The following MAPK8 variants were observed in gnomAD, a reference collection of about 807,000 sequenced individuals.
The protein encoded by MAPK8 is mitogen-activated protein kinase 8.
In MAPK8, 13 loss-of-function variants were observed where a neutral mutation model predicts 52.9. The observed-to-expected ratio is 0.25, with a 90% CI of 0.16 to 0.39. The LOEUF (loss-of-function observed/expected upper bound fraction) is 0.39. Among genes scored for constraint, MAPK8 ranks in the 10% least tolerant of loss-of-function variants. The pLI is 1.00. For missense variants in MAPK8, 300 were observed against 519.2 expected, an observed-to-expected ratio of 0.58 and a Z score of 4.10; for synonymous variants, 191 against 169.8, an observed-to-expected ratio of 1.12 and a Z score of -0.97.
chr10:48,351,355 A>G (rs72794356), intron 1 of MAPK8, among the ~76,000 whole-genome samples: 14,298 of 148,920 alleles, frequency 0.096, 726 homozygotes, highest in Non-Finnish European at 0.11. Context: ...GCTCACAGCA[A>G]TCTCAAACTC....
chr10:48,337,168 A>G (rs552055939), intron 1 of MAPK8, among the ~76,000 whole-genome samples: 170 of 152,230 alleles, frequency 1.1e-3, no homozygotes, highest in Non-Finnish European at 1.8e-3. Flanking sequence ...CAGAATACAC[A>G]TTTTACTCAT....
intron 1 of MAPK8, among the ~76,000 whole-genome samples, chr10:48,394,566 A>G (rs1038807767): frequency 6.6e-6 from 1 of 151,932 alleles, no homozygotes; most frequent in Non-Finnish European, 1.5e-5. Flanking sequence ...CTCTCAAACT[A>G]GGATTTAAAG....
chr10:48,353,839 T>G (rs1846573440), intron 1 of MAPK8, among the ~76,000 whole-genome samples: 1 of 152,140 alleles, frequency 6.6e-6, no homozygotes, highest in Non-Finnish European at 1.5e-5. Flanking sequence ...GGAGGACAAA[T>G]AACAGATTAG....
intron 6 of MAPK8, among the ~76,000 whole-genome samples, chr10:48,422,989 A>T (rs1183849254): frequency 6.6e-6 from 1 of 152,176 alleles, no homozygotes; most frequent in Non-Finnish European, 1.5e-5. Context: ...TCCACTTGTC[A>T]TTTTAAAGAA....
intron 3 of MAPK8, among the ~76,000 whole-genome samples, chr10:48,408,966 C>G (rs2042605444): frequency 6.6e-6 from 1 of 152,156 alleles, no homozygotes; most frequent in Non-Finnish European, 1.5e-5. Flanking sequence ...TTGTTTTAGG[C>G]CACTAATTCC....
intron 1 of MAPK8, among the ~76,000 whole-genome samples, chr10:48,314,862 C>A (rs1338221630): frequency 1.3e-5 from 2 of 152,196 alleles, no homozygotes; most frequent in Non-Finnish European, 2.9e-5. Flanking sequence ...GTTTTCCATT[C>A]TATGGTAGGC....
intron 8 of MAPK8, 94 bp from the exon 9 acceptor site, chr10:48,426,286 C>A: frequency 2.7e-6 from 3 of 1,106,800 alleles, no homozygotes; most frequent in South Asian, 1.8e-5. Context: ...ATTTTTAAAA[C>A]ATATGCTTTT....
At chr10:48,307,822 A>AT (rs1841556232) in intron 1 of MAPK8, among the ~76,000 whole-genome samples, 1 of 152,128 alleles carries the variant, frequency 6.6e-6, no homozygotes, top group African/African-American at 2.4e-5. Flanking sequence ...TCATTCATTC[A>AT]TTCAGCAGCT....
At position 48,438,718 on chromosome 10, in the gene MAPK8, T is replaced by C. The variant is rs936926161; in HGVS notation, c.*3689T>C. On this transcript the variant is annotated 3_prime_UTR_variant, in exon 12 of 12. Transcript: ENST00000374189. ...GAATTATAAATGTGTGTTAAATACT[T>C]TCTAGCCAATGTTGACACAATACCA... 6.6e-6 allele frequency: 1 copy of C among 152,236 alleles called. No individual in the cohort carries two copies. The highest frequency in any genetic ancestry group is 1.5e-5 in the Non-Finnish European group (1 of 68,042). The allele number at this position is 152,236 out of a possible 1,614,324, so 9.4% of individuals were successfully genotyped here. A position where few individuals can be genotyped will look rare whatever the true frequency, so the allele number is the denominator to read the frequency against.
In MAPK8 at chr10:48,438,172, T is replaced by C. The variant is rs1490298399; in HGVS notation, c.*3143T>C. ...ACACATTAGCTATAGAGTGGATGCA[T>C]GAAGCCCCATGACACCAGTAAACTT... On this transcript the variant is annotated 3_prime_UTR_variant, in exon 12 of 12. Coordinates refer to ENST00000374189, the MANE Select transcript of MAPK8 (RefSeq NM_001323329.2). The C allele has an allele frequency of 1.3e-5, 2 of 152,372 alleles. No individual in the cohort carries two copies. The highest frequency in any genetic ancestry group is 4.8e-5 in the African/African-American group (2 of 41,592). 9.4% of individuals were successfully genotyped at this position (152,372 alleles called of 1,614,324 possible). A position where few individuals can be genotyped will look rare whatever the true frequency, so the allele number is the denominator to read the frequency against.
intron 1 of MAPK8, among the ~76,000 whole-genome samples, chr10:48,334,871 C>T (rs865862322): frequency 9.9e-5 from 15 of 152,132 alleles, no homozygotes; most frequent in African/African-American, 3.1e-4. Flanking sequence ...TAATTTATCT[C>T]CTAGCACGCA....
At chr10:48,396,408 G>A (rs945468453) in intron 1 of MAPK8, among the ~76,000 whole-genome samples, 4 of 152,110 alleles carry the variant, frequency 2.6e-5, no homozygotes, top group Admixed American at 6.5e-5. Context: ...TATGACACAC[G>A]TACTAGAATG....
chr10:48,435,057 G>GA lies in MAPK8; in HGVS notation c.*29dup. 2.4e-6 allele frequency: 1 copy of GA among 421,632 alleles called. No homozygotes were observed. The highest frequency in any genetic ancestry group is 2.9e-5 in the Admixed American group (1 of 35,018). 26.1% of individuals were successfully genotyped at this position (421,632 alleles called of 1,614,324 possible). A position where few individuals can be genotyped will look rare whatever the true frequency, so the allele number is the denominator to read the frequency against. The stretch of plus-strand genomic sequence containing the variant: ...ACTTGGGCCATCGGGGGGTGGGAGG[G>GA]ATGGGGAGTCGGTTAGTCATTGATA... On this transcript the variant is annotated 3_prime_UTR_variant, in exon 12 of 12. Coordinates refer to ENST00000374189, the MANE Select transcript of MAPK8 (RefSeq NM_001323329.2).
At chr10:48,416,844 T>C (rs1170312421) in intron 5 of MAPK8, among the ~76,000 whole-genome samples, 2 of 152,048 alleles carry the variant, frequency 1.3e-5, no homozygotes, top group African/African-American at 2.4e-5. Context: ...TGTGGGAGAG[T>C]CATCTTTTTG....
At chr10:48,347,301 C>A (rs940610065) in intron 1 of MAPK8, among the ~76,000 whole-genome samples, 1 of 152,098 alleles carries the variant, frequency 6.6e-6, no homozygotes, top group African/African-American at 2.4e-5. Flanking sequence ...ATGAAAAAAA[C>A]CTCTCATACC....
rs778085173 is a variant in MAPK8 at position 48,345,097 on chromosome 10, A to G, written c.-50+38276A>G. Among the ~76,000 whole-genome samples, 5 of 152,278 alleles carry G rather than the reference A, an allele frequency of 3.3e-5. No individual in the cohort carries two copies. The South Asian group carries it at 8.3e-4, about 25-fold the overall frequency. On this transcript the variant is annotated intron_variant, in intron 1 of 11. Coordinates refer to ENST00000374189, the MANE Select transcript of MAPK8 (RefSeq NM_001323329.2). ...TGCGGCAGAATTCAAGGCAGAAAAC[A>G]TTAAACAGAAAGGATCATTTTTTAA...
At chr10:48,363,683 A>G (rs895133531) in intron 1 of MAPK8, among the ~76,000 whole-genome samples, 1 of 152,206 alleles carries the variant, frequency 6.6e-6, no homozygotes, top group Non-Finnish European at 1.5e-5. Flanking sequence ...ACAGAATTAA[A>G]CTTACATTTT....
intron 1 of MAPK8, among the ~76,000 whole-genome samples, chr10:48,339,306 A>C (rs1333750422): frequency 6.6e-6 from 1 of 152,154 alleles, no homozygotes. Flanking sequence ...ACTGATCTTC[A>C]ACTGAGTCAA....
At chr10:48,371,625 T>G (rs933358139) in intron 1 of MAPK8, among the ~76,000 whole-genome samples, 6 of 152,072 alleles carry the variant, frequency 3.9e-5, no homozygotes, top group Non-Finnish European at 7.4e-5. Flanking sequence ...TGTATGAAGA[T>G]TTCTCTCCAA....
Sources: gnomAD v4.1 joint callset for allele counts (sites outside exome capture counted in the v4.1 genomes callset) on GRCh38, gnomAD v4.1.1 for gene constraint, MANE v1.5 for transcripts, NCBI Gene and HGNC (gene_info 2026-07-23, HGNC 2026-07-21) for gene names.